Variants in FRAS1 observed in about 807,000 individuals in gnomAD.
FRAS1 encodes extracellular matrix organizing protein FRAS1.
FRAS1 carries 290 observed loss-of-function variants against 435.2 expected under a neutral mutation model. The observed-to-expected ratio is 0.67, with a 90% confidence interval of 0.61 to 0.73. FRAS1 has a LOEUF of 0.73. Among genes scored for constraint, FRAS1 ranks in the 30% least tolerant of loss-of-function variants. FRAS1 has a pLI of 0.00. For missense variants in FRAS1, 4,860 were observed against 5,001.5 expected (o/e 0.97, Z 0.85); for synonymous variants, 1,800 against 1,851.0 (o/e 0.97, Z 0.71).
intron 2 of FRAS1, among the ~76,000 whole-genome samples, chr4:78,069,159 A>C (rs1740208132): frequency 6.6e-6 from 1 of 152,148 alleles, no homozygotes; most frequent in Non-Finnish European, 1.5e-5. Context: ...ACTGTTTTAG[A>C]GGTAGAAGTG....
At chr4:78,192,657 C>T (rs1722596796) in intron 2 of FRAS1, among the ~76,000 whole-genome samples, 1 of 152,134 alleles carries the variant, frequency 6.6e-6, no homozygotes, top group African/African-American at 2.4e-5. Flanking sequence ...TTTGATTCTT[C>T]TCTCTTTTCT....
chr4:78,431,418 A>G (rs1734215649), intron 37 of FRAS1, among the ~76,000 whole-genome samples: 1 of 152,218 alleles, frequency 6.6e-6, no homozygotes, highest in African/African-American at 2.4e-5. Context: ...AGTTAGTTTT[A>G]TTACGTTTTC....
intron 6 of FRAS1, among the ~76,000 whole-genome samples, chr4:78,258,303 T>C (rs1214792258): frequency 6.7e-6 from 1 of 148,944 alleles, no homozygotes; most frequent in Non-Finnish European, 1.5e-5. Context: ...ATCATGTCAC[T>C]GCACTCCAGC....
chr4:78,505,143 C>T (rs1338800519), intron 61 of FRAS1, among the ~76,000 whole-genome samples: 1 of 152,222 alleles, frequency 6.6e-6, no homozygotes, highest in Non-Finnish European at 1.5e-5. Context: ...ACCTTTCTCT[C>T]TGGCTGCCCT....
intron 2 of FRAS1, among the ~76,000 whole-genome samples, chr4:78,134,167 A>G (rs1021812155): frequency 1.3e-5 from 2 of 151,898 alleles, no homozygotes; most frequent in African/African-American, 2.4e-5. Flanking sequence ...GAGACGGGCT[A>G]TTAACAGTAG....
intron 4 of FRAS1, among the ~76,000 whole-genome samples, chr4:78,249,131 A>C (rs557831568): frequency 5.3e-4 from 67 of 127,332 alleles, no homozygotes; most frequent in African/African-American, 1.7e-3. Flanking sequence ...TGTTGCATGC[A>C]TAATCAATCC....
chr4:78,184,672 G>A (rs1722194331), intron 2 of FRAS1, among the ~76,000 whole-genome samples: 2 of 152,344 alleles, frequency 1.3e-5, no homozygotes, highest in East Asian at 1.9e-4. Context: ...AGGGAAGTCA[G>A]GAAGGGATGA....
chr4:78,166,863 C>T (rs1248883870), intron 2 of FRAS1, among the ~76,000 whole-genome samples: 1 of 152,160 alleles, frequency 6.6e-6, no homozygotes, highest in Non-Finnish European at 1.5e-5. Flanking sequence ...CCTCTATGCT[C>T]ATTCCCTTTT....
At chr4:78,364,557 T>C (rs1391150393) in intron 22 of FRAS1, among the ~76,000 whole-genome samples, 1 of 152,192 alleles carries the variant, frequency 6.6e-6, no homozygotes, top group East Asian at 1.9e-4. Context: ...CAGTAGTTAT[T>C]TGGACTTGTA....
intron 2 of FRAS1, among the ~76,000 whole-genome samples, chr4:78,183,033 T>C (rs1265590880): frequency 1.3e-5 from 2 of 151,460 alleles, no homozygotes; most frequent in African/African-American, 2.4e-5. Context: ...GAAAAAGAGA[T>C]AGAAGGAGCA....
chr4:78,359,040 G>C (rs1237633268), intron 20 of FRAS1, among the ~76,000 whole-genome samples: 1 of 152,164 alleles, frequency 6.6e-6, no homozygotes, highest in African/African-American at 2.4e-5. Flanking sequence ...ACCATGCTGA[G>C]GGTGATTTTT....
chr4:78,242,499 G>A (rs1259621016), intron 3 of FRAS1, among the ~76,000 whole-genome samples: 1 of 152,198 alleles, frequency 6.6e-6, no homozygotes, highest in Admixed American at 6.5e-5. Context: ...GCAGTGGTGT[G>A]ATCTCTGCTC....
chr4:78,465,557 G>A (rs1359880665), intron 49 of FRAS1, among the ~76,000 whole-genome samples: 8 of 152,190 alleles, frequency 5.3e-5, no homozygotes, highest in Non-Finnish European at 1.5e-5. Context: ...AAATACAAAG[G>A]CACTGTGATC....
At chr4:78,441,113 G>A (rs1734640894) in intron 40 of FRAS1, 49 bp from the exon 41 acceptor site, 2 of 1,595,370 alleles carry the variant, frequency 1.3e-6, no homozygotes, top group Non-Finnish European at 1.7e-6. Flanking sequence ...TTTTTTTACT[G>A]TGGTTATGTG....
At chr4:78,081,531 A>G (rs1181451098) in intron 2 of FRAS1, among the ~76,000 whole-genome samples, 1 of 152,082 alleles carries the variant, frequency 6.6e-6, no homozygotes, top group African/African-American at 2.4e-5. Context: ...GCCATTGTTT[A>G]CCTGGAAAGG....
intron 14 of FRAS1, among the ~76,000 whole-genome samples, chr4:78,307,517 C>T (rs192753647): frequency 0.011 from 1,689 of 152,334 alleles, 30 homozygotes; most frequent in African/African-American, 0.037. Flanking sequence ...ACTCCGTGGG[C>T]GTAGGACTCT....
intron 2 of FRAS1, among the ~76,000 whole-genome samples, chr4:78,221,143 G>A (rs1724035844): frequency 6.6e-6 from 1 of 152,114 alleles, no homozygotes; most frequent in African/African-American, 2.4e-5. Context: ...ACTCCAGCCT[G>A]GGCGACATAG....
At chr4:78,156,102 C>G (rs1720870747) in intron 2 of FRAS1, among the ~76,000 whole-genome samples, 1 of 152,166 alleles carries the variant, frequency 6.6e-6, no homozygotes. Context: ...CTCTTAGACA[C>G]TTAGTCTCAC....
rs376011922 is a variant in FRAS1, at chr4:78,195,654, T to C, written c.109-41856T>C. On this transcript the variant is annotated intron_variant, in intron 2 of 73. Transcript: ENST00000512123. ...TATTAGGGTGGGAGTGACCCGATTT[T>C]CCAGGTGCTGTCTTGTCACCCCTTT... Among the ~76,000 whole-genome samples the C allele has an allele frequency of 8.2e-4, 125 of 152,266 alleles. 1 individual carries two copies. Among genetic ancestry groups the C allele is most frequent in the African/African-American group, 3.0e-3 (123 of 41,550 alleles).
Sources: allele counts gnomAD v4.1 joint callset (sites outside exome capture counted in the v4.1 genomes callset), GRCh38; gene constraint gnomAD v4.1.1; transcripts MANE v1.5; gene names NCBI Gene and HGNC (gene_info 2026-07-23, HGNC 2026-07-21).